ARID1B: variants seen among roughly 807,000 people sequenced by gnomAD.
ARID1B encodes AT-rich interactive domain-containing protein 1B.
A neutral mutation model predicts 212.3 loss-of-function variants in ARID1B; 30 were observed. That is an observed-to-expected ratio of 0.14 (90% CI 0.11 to 0.19). ARID1B has a LOEUF of 0.19. Ranked by LOEUF, ARID1B falls within the 10% of genes least tolerant of loss-of-function variation. The pLI, the probability that ARID1B is intolerant of heterozygous loss-of-function variation, is 1.00. For synonymous variants in ARID1B, 1,402 were observed against 1,301.7 expected, an observed-to-expected ratio of 1.08 and a Z score of -1.66; for missense variants, 2,891 against 3,204.0, an observed-to-expected ratio of 0.90 and a Z score of 2.36.
intron 5 of ARID1B, among the ~76,000 whole-genome samples, chr6:157,103,268 C>T (rs924035239): frequency 6.6e-6 from 1 of 151,604 alleles, no homozygotes; most frequent in Non-Finnish European, 1.5e-5. Flanking sequence ...TCAACAAATA[C>T]TTATTGAATG....
At chr6:157,024,853 A>G (rs1780559657) in intron 4 of ARID1B, 1 of 152,268 alleles carries the variant, frequency 6.6e-6, no homozygotes, top group African/African-American at 2.4e-5. Flanking sequence ...ATTGAGTAGA[A>G]AGGAACTTCA....
At chr6:156,808,579 C>T (rs1200417779) in intron 1 of ARID1B, among the ~76,000 whole-genome samples, 2 of 152,108 alleles carry the variant, frequency 1.3e-5, no homozygotes, top group African/African-American at 4.8e-5. Flanking sequence ...TTTTTTCTTT[C>T]ATTCTCTTTT....
intron 4 of ARID1B, among the ~76,000 whole-genome samples, chr6:157,000,696 C>CTTTTT (rs10536002): frequency 2.0e-5 from 2 of 99,210 alleles, no homozygotes; most frequent in African/African-American, 8.0e-5. Context: ...TCTAATTATT[C>CTTTTT]TTTTTTTTTT....
chr6:156,829,597 A>G (rs1042811097), intron 2 of ARID1B, 176 bp downstream of exon 2: 22 of 729,208 alleles, frequency 3.0e-5, no homozygotes, highest in East Asian at 1.1e-4. Context: ...AAAGATGGAA[A>G]GGTGAGCTTC....
intron 5 of ARID1B, among the ~76,000 whole-genome samples, chr6:157,089,817 C>T (rs948321008): frequency 2.0e-5 from 3 of 152,122 alleles, no homozygotes; most frequent in African/African-American, 7.2e-5. Context: ...ATGTCAGGTA[C>T]AGTTAATTCT....
At chr6:157,162,578 A>G (rs1460857768) in intron 8 of ARID1B, among the ~76,000 whole-genome samples, 2 of 152,222 alleles carry the variant, frequency 1.3e-5, no homozygotes, top group Non-Finnish European at 2.9e-5. Flanking sequence ...TTCTCCCTGT[A>G]ATAACCTGGC....
At chr6:157,105,556 GAA>G (rs1356026039) in intron 5 of ARID1B, among the ~76,000 whole-genome samples, 2 of 152,150 alleles carry the variant, frequency 1.3e-5, no homozygotes, top group African/African-American at 2.4e-5. Flanking sequence ...CCTAAAATCT[GAA>G]AAAGTAGTCA....
chr6:157,157,399 C>G (rs551598362), intron 8 of ARID1B, among the ~76,000 whole-genome samples: 2 of 152,326 alleles, frequency 1.3e-5, no homozygotes, highest in East Asian at 1.9e-4. Context: ...TTTGGAATTA[C>G]GTGTGTGCAA....
intron 6 of ARID1B, among the ~76,000 whole-genome samples, chr6:157,132,040 A>G (rs1788587403): frequency 6.6e-6 from 1 of 152,104 alleles, no homozygotes; most frequent in African/African-American, 2.4e-5. Flanking sequence ...TTCCTTTTAT[A>G]TTCCTGAAAG....
intron 4 of ARID1B, among the ~76,000 whole-genome samples, chr6:156,996,720 A>G (rs114495354): frequency 0.019 from 2,951 of 152,316 alleles, 80 homozygotes; most frequent in African/African-American, 0.065. Context: ...ATTTTAACCC[A>G]TATTAATACC....
At chr6:157,118,250 T>C (rs1456272415) in intron 6 of ARID1B, among the ~76,000 whole-genome samples, 3 of 152,226 alleles carry the variant, frequency 2.0e-5, no homozygotes, top group African/African-American at 4.8e-5. Context: ...TTTTTCTGTT[T>C]TGCAACCTAC....
At chr6:156,928,643 A>G (rs1791443695) in intron 3 of ARID1B, among the ~76,000 whole-genome samples, 1 of 152,180 alleles carries the variant, frequency 6.6e-6, no homozygotes, top group African/African-American at 2.4e-5. Context: ...CCCCATTCTT[A>G]AAGGACAGGG....
chr6:157,196,199 A>G lies in ARID1B; in HGVS notation c.4266A>G (p.Gly1422=), dbSNP rs769769342. The G allele has an allele frequency of 1.2e-6, 2 of 1,613,510 alleles. No homozygotes were observed. The highest frequency in any genetic ancestry group is 2.7e-5 in the African/African-American group (2 of 74,888). ...GCAGCGAGCCCTTTATGACGCAAGG[A>G]CAGATGCCCAACAGCAGCATGCAGG... The part of the protein sequence containing the change: ...PGSSEPFMTQ[G]QMPNSSMQDM... The change falls in exon 16 of 20, where the codon GGA becomes GGG. Residue 1422 remains glycine (G), a synonymous_variant. Coordinates refer to ENST00000636930, the MANE Select transcript of ARID1B (RefSeq NM_001374828.1).
intron 1 of ARID1B, among the ~76,000 whole-genome samples, chr6:156,780,921 C>A (rs1270458903): frequency 1.3e-5 from 2 of 152,194 alleles, no homozygotes; most frequent in African/African-American, 4.8e-5. Flanking sequence ...TTATAAAAGT[C>A]TTCCCTTTAC....
rs149912358 is a variant in ARID1B, at chr6:156,979,057, G to A, written c.2247+43481G>A. Among the ~76,000 whole-genome samples the A allele has an allele frequency of 3.0e-3, 454 of 152,306 alleles. 4 individuals carry two copies. Among genetic ancestry groups the A allele is most frequent in the African/African-American group, 0.01 (431 of 41,574 alleles). Reference sequence around the variant, plus strand: ...GTCAGTGCTTATGTTTCTGTAAAGTGAAGTATCCTGAAAGCGCTAGTAGTG... The same window carrying A: ...GTCAGTGCTTATGTTTCTGTAAAGTAAAGTATCCTGAAAGCGCTAGTAGTG... On this transcript the variant is annotated intron_variant, in intron 4 of 19. Coordinates refer to ENST00000636930, the MANE Select transcript of ARID1B (RefSeq NM_001374828.1).
chr6:156,936,342 C>CA (rs757988115), intron 4 of ARID1B: 13,888 of 76,630 alleles, frequency 0.18, 1,097 homozygotes, highest in East Asian at 0.36. Flanking sequence ...AACTTCATCT[C>CA]AAAAAAAAAA....
intron 2 of ARID1B, among the ~76,000 whole-genome samples, chr6:156,890,146 A>G (rs1787811757): frequency 1.3e-5 from 2 of 152,240 alleles, no homozygotes; most frequent in South Asian, 4.1e-4. Flanking sequence ...CATGAGAGGC[A>G]CTACCATTTA....
intron 19 of ARID1B, 82 bp downstream of exon 19, chr6:157,204,078 TG>T: frequency 6.5e-7 from 1 of 1,545,848 alleles, no homozygotes; most frequent in Non-Finnish European, 8.9e-7. Flanking sequence ...AACTAATGCC[TG>T]AGTTGATGAG....
chr6:157,144,305 A>G (rs988258731), intron 7 of ARID1B, among the ~76,000 whole-genome samples: 1 of 152,248 alleles, frequency 6.6e-6, no homozygotes, highest in Non-Finnish European at 1.5e-5. Context: ...CATGATGGGT[A>G]TAGTCTAAAC....
Sources: allele counts gnomAD v4.1 joint callset (sites outside exome capture counted in the v4.1 genomes callset), GRCh38; gene constraint gnomAD v4.1.1; transcripts MANE v1.5; gene names NCBI Gene and HGNC (gene_info 2026-07-23, HGNC 2026-07-21).